Variants in CRBN observed in about 807,000 individuals in gnomAD.
The protein encoded by CRBN is protein cereblon.
CRBN carries 53 observed loss-of-function variants against 62.2 expected under a neutral mutation model. That is an observed-to-expected ratio of 0.85 (90% CI 0.68 to 1.07). CRBN has a LOEUF of 1.07. Ranked by LOEUF, CRBN falls within the 50% of genes least tolerant of loss-of-function variation. The probability of loss-of-function intolerance (pLI) is 0.00; values close to 1 mark genes in which losing one functional copy is unlikely to be tolerated. For missense variants in CRBN, 616 were observed against 531.1 expected, an observed-to-expected ratio of 1.16 and a Z score of -1.57; for synonymous variants, 208 against 176.1, an observed-to-expected ratio of 1.18 and a Z score of -1.43.
rs1307978108 is a variant in CRBN, at chr3:3,165,255, A to G, written c.687+2379T>C. Among the ~76,000 whole-genome samples the G allele has an allele frequency of 3.3e-5, 5 of 152,340 alleles. No homozygotes were observed. In the South Asian group the frequency reaches 6.2e-4, roughly 19 times the overall value. ...ATGTTGTGAATGTTGAAATGACACA[A>G]AGAATTCAGAATATTACATAAACTT... On this transcript the variant is annotated intron_variant, in intron 5 of 10. Coordinates refer to ENST00000231948, the MANE Select transcript of CRBN (RefSeq NM_016302.4).
Position 3,152,526 on chromosome 3 carries a change from G to A in CRBN, c.1078C>T (p.Leu360Phe), listed in dbSNP as rs752677569. Residue 360 changes from leucine to phenylalanine, a missense_variant, in exon 10 of 11, where the codon CTT (leucine) becomes TTT (phenylalanine). Transcript: ENST00000231948. ...VNPHGYVHET[L>F]TVYKACNLNL... is the part of the protein sequence containing the mutation. ...AAGTTGCAAGCCTTATACACAGTAA[G>A]TGTCTCATGCACATATCCATGAGGA... 14 of 1,613,830 alleles carry A rather than the reference G, an allele frequency of 8.7e-6. No individual in the cohort carries two copies. Among genetic ancestry groups the A allele is most frequent in the Non-Finnish European group, 3.4e-6 (4 of 1,179,882 alleles).
chr3:3,151,501 T>TG (rs770985159), intron 10 of CRBN, among the ~76,000 whole-genome samples: 2 of 38,862 alleles, frequency 5.1e-5, no homozygotes, highest in Non-Finnish European at 1.9e-4. Context: ...AGTAAATATT[T>TG]ATATTCTAAA....
Position 3,172,897 on chromosome 3 carries a change from C to T in CRBN, c.406G>A (p.Gly136Arg). ...SNVQEREAQF[G>R]TTAEIYAYRE... The stretch of plus-strand genomic sequence containing the variant: ...TAGGCATATATCTCTGCTGTTGTTC[C>T]AAACTGTGCTTCCCTTTCCTGTACA... The change falls in exon 4 of 11, where the codon GGA (glycine) becomes AGA (arginine). Residue 136 changes from glycine to arginine, a missense_variant. Physicochemically the swap from Gly to Arg is moderately radical, Grantham distance 125. Transcript: ENST00000231948. The T allele has an allele frequency of 6.2e-7, 1 of 1,613,774 alleles. No individual in the cohort carries two copies. Among genetic ancestry groups the T allele is most frequent in the Non-Finnish European group, 8.5e-7 (1 of 1,179,756 alleles).
chr3:3,179,517 C>G (rs1575105941), intron 1 of CRBN, 104 bp downstream of exon 1: 8 of 1,172,624 alleles, frequency 6.8e-6, no homozygotes, highest in African/African-American at 1.5e-5. Flanking sequence ...GGCTGGCTCG[C>G]CAGGCTTGGC....
intron 5 of CRBN, among the ~76,000 whole-genome samples, chr3:3,160,106 C>A (rs1707075834): frequency 6.6e-6 from 1 of 152,176 alleles, no homozygotes; most frequent in Non-Finnish European, 1.5e-5. Context: ...GAATCTGTTA[C>A]CTGGAGGTAA....
chr3:3,152,170 A>G (rs1706606543), intron 10 of CRBN, among the ~76,000 whole-genome samples: 1 of 149,948 alleles, frequency 6.7e-6, no homozygotes, highest in African/African-American at 2.4e-5. Context: ...TTTTTTAAAT[A>G]GACAGATTCT....
At chr3:3,151,552 C>CA (rs1706553153) in intron 10 of CRBN, among the ~76,000 whole-genome samples, 1 of 152,026 alleles carries the variant, frequency 6.6e-6, no homozygotes, top group East Asian at 1.9e-4. Context: ...AAATACAAAC[C>CA]ATGGTATTTT....
chr3:3,178,226 G>A (rs550597359), intron 1 of CRBN, among the ~76,000 whole-genome samples: 1 of 152,272 alleles, frequency 6.6e-6, no homozygotes, highest in South Asian at 2.1e-4. Flanking sequence ...ATCAAAGGCT[G>A]GCACACTTAC....
chr3:3,154,268 CT>C lies in CRBN; in HGVS notation c.836-194del, dbSNP rs1412918486. On this transcript the variant is annotated intron_variant, in intron 7 of 10. Transcript: ENST00000231948. Reference sequence around the variant, plus strand: ...AGAAGCTCTAAATTTAATTGCTTTTCTTATACTTTTTTTGGTAAAATCCTTT... The same window carrying C: ...AGAAGCTCTAAATTTAATTGCTTTTCTATACTTTTTTTGGTAAAATCCTTT... 8.7e-6 allele frequency: 5 copies of C among 576,504 alleles called. No homozygotes were observed. The African/African-American group carries it at 9.4e-5, about 11-fold the overall frequency. 35.7% of individuals were successfully genotyped at this position (576,504 alleles called of 1,614,324 possible). A position where few individuals can be genotyped will look rare whatever the true frequency, so the allele number is the denominator to read the frequency against.
At chr3:3,164,751 TTAA>T (rs779465121) in intron 5 of CRBN, among the ~76,000 whole-genome samples, 2 of 152,220 alleles carry the variant, frequency 1.3e-5, no homozygotes, top group Non-Finnish European at 2.9e-5. Flanking sequence ...TACAAGGAGA[TTAA>T]TGCTGTTTTC....
chr3:3,179,066 G>A (rs1005041116), intron 1 of CRBN, among the ~76,000 whole-genome samples: 1 of 152,104 alleles, frequency 6.6e-6, no homozygotes, highest in Non-Finnish European at 1.5e-5. Context: ...AGACACACCC[G>A]GGTTGGAATC....
Position 3,172,763 on chromosome 3 carries a change from T to C in CRBN, c.527+13A>G. 6.2e-7 allele frequency: 1 copy of C among 1,610,578 alleles called. No individual in the cohort carries two copies. Among genetic ancestry groups the C allele is most frequent in the Non-Finnish European group, 8.5e-7 (1 of 1,176,794 alleles). On this transcript the variant is annotated intron_variant, in intron 4 of 10. Transcript: ENST00000231948. ...AACATTCAAAGAGCATTAAGGTATA[T>C]GTTATTTCTTACCCATCTGACTGTG... is the stretch of plus-strand genomic sequence containing the variant.
chr3:3,159,735 C>T (rs957778110), intron 5 of CRBN, among the ~76,000 whole-genome samples: 5 of 152,112 alleles, frequency 3.3e-5, no homozygotes, highest in Admixed American at 2.0e-4. Context: ...CAATTAGACA[C>T]ACTGAAGAGA....
chr3:3,179,673 T>A lies in CRBN; in HGVS notation c.15A>T (p.Gly5=). 4 of 1,612,940 alleles carry A rather than the reference T, an allele frequency of 2.5e-6. No individual in the cohort carries two copies. The highest frequency in any genetic ancestry group is 3.4e-6 in the Non-Finnish European group (4 of 1,179,548). The change falls in exon 1 of 11, where the codon GGA becomes GGT. Residue 5 remains glycine, a synonymous_variant. Transcript: ENST00000231948. The part of the protein sequence containing the change: MAGE[G]DQQDAAHNMG... ...TGTTGTGCGCAGCGTCCTGCTGATC[T>A]CCTTCGCCGGCCATGTCTGTTTACC...
rs189943597 is a variant in CRBN, at chr3:3,165,579, T to C, written c.687+2055A>G. Among the ~76,000 whole-genome samples the C allele has an allele frequency of 4.6e-5, 7 of 152,300 alleles. No homozygotes were observed. In the East Asian group the frequency reaches 1.3e-3, roughly 29 times the overall value. Reference sequence around the variant, plus strand: ...GCTTGTATTTTTTAGCAATAAAGTATTTTTTTATTTAAGGTATGTACACTG... The same window carrying C: ...GCTTGTATTTTTTAGCAATAAAGTACTTTTTTATTTAAGGTATGTACACTG... On this transcript the variant is annotated intron_variant, in intron 5 of 10. Coordinates refer to ENST00000231948, the MANE Select transcript of CRBN (RefSeq NM_016302.4).
In CRBN at chr3:3,157,552, G is replaced by A. The variant is rs547821618; in HGVS notation, c.688-1271C>T. Among the ~76,000 whole-genome samples the A allele has an allele frequency of 1.5e-4, 23 of 152,224 alleles. 2 individuals are homozygous for A. The highest frequency in any genetic ancestry group is 5.1e-4 in the African/African-American group (21 of 41,560). On this transcript the variant is annotated intron_variant, in intron 5 of 10. Coordinates refer to ENST00000231948, the MANE Select transcript of CRBN (RefSeq NM_016302.4). The stretch of plus-strand genomic sequence containing the variant: ...TCAAATGACTAGGTATGTTTCATAC[G>A]CTGAATGATACTTACCCTAGGTATG...
intron 1 of CRBN, among the ~76,000 whole-genome samples, chr3:3,179,318 G>C (rs181433211): frequency 1.3e-5 from 2 of 152,316 alleles, no homozygotes; most frequent in East Asian, 1.9e-4. Context: ...TCTAGTTTCA[G>C]AGCATTTCCT....
chr3:3,152,297 C>A (rs1706619130), intron 10 of CRBN, among the ~76,000 whole-genome samples, 159 bp downstream of exon 10: 1 of 151,852 alleles, frequency 6.6e-6, no homozygotes. Flanking sequence ...GGAGTACAGA[C>A]CCCTGCCCCC....
intron 5 of CRBN, among the ~76,000 whole-genome samples, chr3:3,157,555 G>C (rs184112629): frequency 6.6e-5 from 10 of 152,250 alleles, no homozygotes; most frequent in Admixed American, 5.9e-4. Context: ...TTCATACGCT[G>C]AATGATACTT....
Sources: allele counts gnomAD v4.1 joint callset (sites outside exome capture counted in the v4.1 genomes callset), GRCh38; gene constraint gnomAD v4.1.1; transcripts MANE v1.5; gene names NCBI Gene and HGNC (gene_info 2026-07-23, HGNC 2026-07-21).